Variants in HPCAL1 observed in about 807,000 individuals in gnomAD.
HPCAL1 encodes hippocalcin like 1.
A neutral mutation model predicts 17.1 loss-of-function variants in HPCAL1; 8 were observed. The observed-to-expected ratio is 0.47, with a 90% CI of 0.27 to 0.84. The LOEUF is 0.84. HPCAL1 is among the 40% of genes least tolerant of loss of function. HPCAL1 has a pLI of 0.13. For missense variants in HPCAL1, 165 were observed against 271.1 expected (o/e 0.61, Z 2.75); for synonymous variants, 112 against 111.4 (o/e 1.01, Z -0.03).
intron 1 of HPCAL1, among the ~76,000 whole-genome samples, chr2:10,346,831 A>C (rs1665489710): frequency 6.7e-6 from 1 of 149,646 alleles, no homozygotes; most frequent in Admixed American, 6.7e-5. Context: ...CTCCCTCCCC[A>C]GCACAGACAG....
chr2:10,389,822 G>A (rs904946221), intron 1 of HPCAL1, among the ~76,000 whole-genome samples: 1 of 152,166 alleles, frequency 6.6e-6, no homozygotes, highest in Non-Finnish European at 1.5e-5. Flanking sequence ...GGTGGGGCTG[G>A]GACAAATTGT....
In HPCAL1 at chr2:10,344,209, G is replaced by A. The variant is rs970006661; in HGVS notation, c.-111+41032G>A. Among the ~76,000 whole-genome samples the A allele has an allele frequency of 1.3e-5, 2 of 152,164 alleles. No homozygotes were observed. Among genetic ancestry groups the A allele is most frequent in the African/African-American group, 4.8e-5 (2 of 41,430 alleles). On this transcript the variant is annotated intron_variant, in intron 1 of 4. Transcript: ENST00000307845. This position sits in a 1 kb window ranked among gnomAD's most constrained non-coding sequence, Gnocchi z 4.9. The stretch of plus-strand genomic sequence containing the variant: ...GGCCGCTCCTGGCTCAGAGGACCCT[G>A]GGGACGTGGTCTTTGATGCTTGCTT...
At chr2:10,308,489 A>G (rs1416716501) in intron 1 of HPCAL1, among the ~76,000 whole-genome samples, 1 of 151,964 alleles carries the variant, frequency 6.6e-6, no homozygotes, top group Admixed American at 6.6e-5. Flanking sequence ...TTTTCTTTCT[A>G]TGTTTCTTAG....
At position 10,334,221 on chromosome 2, in the gene HPCAL1, C is replaced by T. The variant is rs745929801; in HGVS notation, c.-111+31044C>T. On this transcript the variant is annotated intron_variant, in intron 1 of 4. Transcript: ENST00000307845. Reference sequence around the variant, plus strand: ...ATGGTGGCCCAGGCATGGTGGCTCACGCCTGTAATCCCAGCTCTTCGGGAG... The same window carrying T: ...ATGGTGGCCCAGGCATGGTGGCTCATGCCTGTAATCCCAGCTCTTCGGGAG... 1.1e-4 allele frequency among the ~76,000 whole-genome samples: 17 copies of T among 152,314 alleles called. 1 individual carries two copies. Among genetic ancestry groups the T allele is most frequent in the South Asian group, 4.1e-4 (2 of 4,830 alleles).
chr2:10,424,212 A>C, intron 4 of HPCAL1: 1 of 324,010 alleles, frequency 3.1e-6, no homozygotes, highest in Non-Finnish European at 6.2e-6. Context: ...GCATGGCCCC[A>C]GCGGGAGACG....
intron 2 of HPCAL1, among the ~76,000 whole-genome samples, chr2:10,404,516 A>G (rs1412751324): frequency 6.6e-6 from 1 of 152,178 alleles, no homozygotes; most frequent in Non-Finnish European, 1.5e-5. Flanking sequence ...AAACAGACCC[A>G]AAGCAGTCAG....
At chr2:10,361,027 A>G (rs551537259) in intron 1 of HPCAL1, among the ~76,000 whole-genome samples, 1 of 147,882 alleles carries the variant, frequency 6.8e-6, no homozygotes, top group East Asian at 2.0e-4. Context: ...ATCTGTGGGA[A>G]TGACATAGTC....
In HPCAL1 at chr2:10,394,940, C is replaced by T. The variant is rs1297889363; in HGVS notation, c.-110-1895C>T. Among the ~76,000 whole-genome samples, 1 of 151,760 alleles carries T rather than the reference C, an allele frequency of 6.6e-6. No individual in the cohort carries two copies. Among genetic ancestry groups the T allele is most frequent in the Non-Finnish European group, 1.5e-5 (1 of 67,994 alleles). ...CCTCCCAGGTAGCTGGGACTACAGG[C>T]ACGCACCACCACGCATGGCTAATTT... On this transcript the variant is annotated intron_variant, in intron 1 of 4. Transcript: ENST00000307845. This position sits in a 1 kb window ranked among gnomAD's most constrained non-coding sequence, Gnocchi z 5.0.
intron 1 of HPCAL1, among the ~76,000 whole-genome samples, chr2:10,364,325 G>C (rs1666711035): frequency 6.6e-6 from 1 of 152,224 alleles, no homozygotes; most frequent in Middle Eastern, 3.2e-3. Flanking sequence ...CCAGAGCCCT[G>C]AGCACCGAGA....
intron 2 of HPCAL1, among the ~76,000 whole-genome samples, chr2:10,412,043 TA>T (rs2125617247): frequency 6.6e-6 from 1 of 152,324 alleles, no homozygotes; most frequent in African/African-American, 2.4e-5. Flanking sequence ...CAGGGGTGGC[TA>T]ATTGCTGTAA....
rs1042953 is a variant in HPCAL1, at chr2:10,426,956, A to G, written c.*135A>G. On this transcript the variant is annotated 3_prime_UTR_variant, in exon 5 of 5. Coordinates refer to ENST00000307845, the MANE Select transcript of HPCAL1 (RefSeq NM_002149.4). ...CCTGGGGCATGCGTTGCACCTGCCC[A>G]GCCCGGTGGCTGCGCCTCCCTCCTC... 0.74 allele frequency: 538,130 copies of G among 729,724 alleles called. 200,998 individuals carry two copies. The highest frequency in any genetic ancestry group is 0.77 in the Non-Finnish European group (329,336 of 429,298). The allele number at this position is 729,724 out of a possible 1,614,324, so 45.2% of individuals were successfully genotyped here. A position where few individuals can be genotyped will look rare whatever the true frequency, so the allele number is the denominator to read the frequency against.
At chr2:10,420,167 CG>C (rs1171309408) in intron 3 of HPCAL1, 32 bp downstream of exon 3, 1 of 1,447,872 alleles carries the variant, frequency 6.9e-7, no homozygotes, top group Non-Finnish European at 9.4e-7. Context: ...GGTCTCACCG[CG>C]GGCCCAGGTC....
intron 1 of HPCAL1, among the ~76,000 whole-genome samples, chr2:10,313,536 G>T (rs1433984635): frequency 6.6e-6 from 1 of 152,238 alleles, no homozygotes; most frequent in African/African-American, 2.4e-5. Context: ...CAATTGGTGA[G>T]AGTTTGTTTT....
chr2:10,333,212 A>G (rs983750868), intron 1 of HPCAL1, among the ~76,000 whole-genome samples: 4 of 152,186 alleles, frequency 2.6e-5, no homozygotes, highest in Admixed American at 1.3e-4. Flanking sequence ...CGATAAAACT[A>G]ATGCATTTTC....
Position 10,384,949 on chromosome 2 carries a change from G to A in HPCAL1, c.-110-11886G>A, listed in dbSNP as rs192874488. On this transcript the variant is annotated intron_variant, in intron 1 of 4. Coordinates refer to ENST00000307845, the MANE Select transcript of HPCAL1 (RefSeq NM_002149.4). The surrounding 1 kb of genome is among the most constrained non-coding windows in gnomAD (Gnocchi z 4.4). ...ATCCTGGCCAACATGGTGAAACCCCGTCTCTACTAAAAATACAAAAATTAG... is the reference window on the plus strand; with the variant it reads ...ATCCTGGCCAACATGGTGAAACCCCATCTCTACTAAAAATACAAAAATTAG... Among the ~76,000 whole-genome samples, 1,582 of 152,164 alleles carry A rather than the reference G, an allele frequency of 0.01. 34 individuals carry two copies. The highest frequency in any genetic ancestry group is 0.036 in the African/African-American group (1,483 of 41,500).
chr2:10,346,778 C>G (rs1447162030), intron 1 of HPCAL1, among the ~76,000 whole-genome samples: 1 of 151,830 alleles, frequency 6.6e-6, no homozygotes, highest in Non-Finnish European at 1.5e-5. Context: ...ACTTCTCTCC[C>G]CTTCCTCCCC....
chr2:10,386,065 C>T (rs1668291352), intron 1 of HPCAL1, among the ~76,000 whole-genome samples: 1 of 152,244 alleles, frequency 6.6e-6, no homozygotes. Context: ...AGCTGAGCCA[C>T]ATAACGTCAC....
chr2:10,333,337 T>C (rs1664506576), intron 1 of HPCAL1, among the ~76,000 whole-genome samples: 1 of 152,210 alleles, frequency 6.6e-6, no homozygotes, highest in South Asian at 2.1e-4. Context: ...TGACCCCTGC[T>C]GTCTGTTGGA....
intron 1 of HPCAL1, among the ~76,000 whole-genome samples, chr2:10,329,404 C>A (rs182215278): frequency 1.3e-3 from 192 of 152,342 alleles, no homozygotes; most frequent in Non-Finnish European, 2.1e-3. Flanking sequence ...GTCCCAGCTG[C>A]AGTGAGCCCG....
Sources: gnomAD v4.1 joint callset for allele counts (sites outside exome capture counted in the v4.1 genomes callset) on GRCh38, gnomAD v4.1.1 for gene constraint, Gnocchi (gnomAD v3.1) non-coding constraint, MANE v1.5 for transcripts, NCBI Gene and HGNC (gene_info 2026-07-23, HGNC 2026-07-21) for gene names.